ZDHHC21: variants seen among roughly 807,000 people sequenced by gnomAD.
The protein encoded by ZDHHC21 is palmitoyltransferase ZDHHC21.
A neutral mutation model predicts 34.6 loss-of-function variants in ZDHHC21; 15 were observed. The ratio of observed to expected loss-of-function variants is 0.43; its 90% CI spans 0.29 to 0.67. The LOEUF is 0.67. Ranked by LOEUF, ZDHHC21 falls within the 30% of genes least tolerant of loss-of-function variation. The probability of loss-of-function intolerance (pLI) is 0.14; values close to 1 mark genes in which losing one functional copy is unlikely to be tolerated. For missense variants in ZDHHC21, 344 were observed against 327.7 expected (o/e 1.05, Z -0.38); for synonymous variants, 142 against 101.8 (o/e 1.40, Z -2.38).
chr9:14,668,163 C>CA (rs1834825258), intron 5 of ZDHHC21, among the ~76,000 whole-genome samples: 1 of 118,836 alleles, frequency 8.4e-6, no homozygotes, highest in South Asian at 3.3e-4. Context: ...TCTCAGGATA[C>CA]AAAATCAATG....
At chr9:14,603,588 A>G in the ZDHHC21 span, among the ~76,000 whole-genome samples, 1 of 152,216 alleles carries the variant, frequency 6.6e-6, no homozygotes, top group Non-Finnish European at 1.5e-5. Context: ...ACTTTTACAT[A>G]AACGCAACCA....
chr9:14,604,319 T>C, the ZDHHC21 span, among the ~76,000 whole-genome samples: 1 of 152,188 alleles, frequency 6.6e-6, no homozygotes, highest in African/African-American at 2.4e-5. Flanking sequence ...TTTATTCAAA[T>C]AATTGTTCTG....
intron 2 of ZDHHC21, among the ~76,000 whole-genome samples, chr9:14,681,516 A>C (rs1564393646): frequency 6.6e-6 from 1 of 152,218 alleles, no homozygotes; most frequent in Non-Finnish European, 1.5e-5. Context: ...CCTGGAACAC[A>C]GTGGAAAACC....
chr9:14,687,801 G>T (rs948538688), intron 2 of ZDHHC21, among the ~76,000 whole-genome samples: 2 of 150,954 alleles, frequency 1.3e-5, no homozygotes, highest in Non-Finnish European at 2.9e-5. Context: ...TGCTACGCCT[G>T]AAAGAATACA....
intron 2 of ZDHHC21, among the ~76,000 whole-genome samples, chr9:14,681,011 T>C (rs1378782357): frequency 6.6e-6 from 1 of 152,098 alleles, no homozygotes; most frequent in Non-Finnish European, 1.5e-5. Context: ...AGCAAAGGCA[T>C]AAAGGCAGGC....
chr9:14,609,003 G>A (rs867769243), downstream of ZDHHC21, among the ~76,000 whole-genome samples: 130 of 152,216 alleles, frequency 8.5e-4, 1 homozygote, highest in African/African-American at 3.0e-3. Context: ...ATTTTTAGCA[G>A]TGGACGTTTC....
chr9:14,619,557 T>C, intron 9 of ZDHHC21, 82 bp downstream of exon 9: 1 of 1,098,104 alleles, frequency 9.1e-7, no homozygotes, highest in South Asian at 1.4e-5. Flanking sequence ...ATATTATCTA[T>C]CTACCATATG....
chr9:14,639,572 T>C (rs1427152228), intron 8 of ZDHHC21, among the ~76,000 whole-genome samples: 4 of 152,052 alleles, frequency 2.6e-5, no homozygotes, highest in African/African-American at 9.7e-5. Flanking sequence ...TCTGATTTGA[T>C]CATTATATAT....
At chr9:14,633,637 C>A (rs1827764509) in intron 8 of ZDHHC21, among the ~76,000 whole-genome samples, 1 of 152,150 alleles carries the variant, frequency 6.6e-6, no homozygotes, top group Admixed American at 6.5e-5. Flanking sequence ...TCCCTGCCCA[C>A]AGCCACTGCT....
intron 6 of ZDHHC21, 90 bp from the exon 7 acceptor site, chr9:14,658,977 T>A: frequency 1.5e-6 from 2 of 1,301,416 alleles, no homozygotes; most frequent in African/African-American, 1.5e-5. Context: ...ACAAATAATA[T>A]CACATATGCT....
the ZDHHC21 span, among the ~76,000 whole-genome samples, chr9:14,604,036 A>G: frequency 2.6e-5 from 4 of 152,176 alleles, no homozygotes; most frequent in African/African-American, 9.6e-5. Flanking sequence ...TTCCTGGCAA[A>G]TCGATTGGAC....
chr9:14,664,759 G>T (rs1282251142), intron 5 of ZDHHC21, among the ~76,000 whole-genome samples: 1 of 151,912 alleles, frequency 6.6e-6, no homozygotes, highest in South Asian at 2.1e-4. Flanking sequence ...ACACAGCAGG[G>T]TATTCCAACA....
chr9:14,634,667 G>A (rs2382490), intron 8 of ZDHHC21, among the ~76,000 whole-genome samples: 150,538 of 152,288 alleles, frequency 0.99, 74,411 homozygotes, highest in East Asian at 1. Flanking sequence ...GCCCCAACCA[G>A]CCAACACAAA....
intron 8 of ZDHHC21, among the ~76,000 whole-genome samples, chr9:14,632,064 AACACACAC>A: frequency 7.4e-6 from 1 of 135,178 alleles, no homozygotes; most frequent in Non-Finnish European, 1.6e-5. Context: ...AACACACACA[AACACACAC>A]ACACACACAC....
chr9:14,680,162 C>T lies in ZDHHC21; in HGVS notation c.-175G>A, dbSNP rs901853373. 3.9e-5 allele frequency: 6 copies of T among 152,344 alleles called. No homozygotes were observed. The highest frequency in any genetic ancestry group is 1.4e-4 in the African/African-American group (6 of 41,468). 9.4% of individuals were successfully genotyped at this position (152,344 alleles called of 1,614,324 possible). On this transcript the variant is annotated splice_region_variant and 5_prime_UTR_variant, in exon 3 of 10. Transcript: ENST00000380916. ...CTTCAATAACAGTTCTCCATGAGAA[C>T]CTATTCATGGTTTAACAAACAATGA...
chr9:14,676,437 T>C (rs1018538910), intron 3 of ZDHHC21, among the ~76,000 whole-genome samples: 2 of 151,860 alleles, frequency 1.3e-5, no homozygotes, highest in East Asian at 1.9e-4. Flanking sequence ...GATTAAGGAA[T>C]ACTTGATTTT....
At chr9:14,644,404 G>T (rs7035202) in intron 7 of ZDHHC21, among the ~76,000 whole-genome samples, 139,097 of 152,072 alleles carry the variant, frequency 0.91, 63,859 homozygotes, top group Non-Finnish European at 0.96. Context: ...GTATATTTAA[G>T]AATAATAATG....
chr9:14,642,935 A>T (rs1829633517), intron 7 of ZDHHC21, among the ~76,000 whole-genome samples: 1 of 151,370 alleles, frequency 6.6e-6, no homozygotes, highest in Non-Finnish European at 1.5e-5. Context: ...ACATGTGTTC[A>T]GTTTAAAGAA....
chr9:14,590,734 C>G, the ZDHHC21 span, among the ~76,000 whole-genome samples: 687 of 151,998 alleles, frequency 4.5e-3, 7 homozygotes, highest in Middle Eastern at 0.014. Flanking sequence ...GCCTGAATCA[C>G]AAGAAATGTA....
Sources: allele counts gnomAD v4.1 joint callset (sites outside exome capture counted in the v4.1 genomes callset), GRCh38; gene constraint gnomAD v4.1.1; transcripts MANE v1.5; gene names NCBI Gene and HGNC (gene_info 2026-07-23, HGNC 2026-07-21).